PRDM10: variants seen among roughly 807,000 people sequenced by gnomAD.
The protein encoded by PRDM10 is PR/SET domain 10.
A neutral mutation model predicts 133.1 loss-of-function variants in PRDM10; 65 were observed. That is an observed-to-expected ratio of 0.49 (90% CI 0.40 to 0.60). The LOEUF is 0.60. Ranked by LOEUF, PRDM10 falls within the 20% of genes least tolerant of loss-of-function variation. PRDM10 has a pLI of 0.00. For synonymous variants in PRDM10, 582 were observed against 580.4 expected, an observed-to-expected ratio of 1.00 and a Z score of -0.04; for missense variants, 1,137 against 1,507.1, an observed-to-expected ratio of 0.75 and a Z score of 4.07.
intron 1 of PRDM10, among the ~76,000 whole-genome samples, chr11:129,990,931 A>G (rs1056465978): frequency 3.9e-5 from 6 of 152,218 alleles, no homozygotes; most frequent in African/African-American, 1.4e-4. Flanking sequence ...TCTCACTGGC[A>G]TATAATGAAG....
At chr11:129,913,463 T>C (rs570282950) in intron 17 of PRDM10, among the ~76,000 whole-genome samples, 18 of 152,086 alleles carry the variant, frequency 1.2e-4, no homozygotes, top group Non-Finnish European at 2.5e-4. Flanking sequence ...GAAAAAGAAG[T>C]TGTCAGGAAT....
rs1478057953 is a variant in PRDM10 at position 129,957,735 on chromosome 11, C to T, written c.234+11G>A. ...AATTGACAAATTATCAACAGATAAC[C>T]CTTCACATGCCTGTGCAGCTTCCAC... On this transcript the variant is annotated intron_variant, in intron 3 of 20. Coordinates refer to ENST00000360871, the MANE Select transcript of PRDM10 (RefSeq NM_199437.2). 1.9e-6 allele frequency: 3 copies of T among 1,598,716 alleles called. No homozygotes were observed. The highest frequency in any genetic ancestry group is 2.6e-6 in the Non-Finnish European group (3 of 1,172,942).
intron 1 of PRDM10, among the ~76,000 whole-genome samples, chr11:130,001,439 G>A (rs1265108725): frequency 6.6e-6 from 1 of 152,272 alleles, no homozygotes; most frequent in Non-Finnish European, 1.5e-5. Flanking sequence ...TAAGTTTAGA[G>A]AATTTGGGGT....
chr11:130,002,226 G>A (rs1454575371), intron 1 of PRDM10, among the ~76,000 whole-genome samples: 1 of 148,730 alleles, frequency 6.7e-6, no homozygotes, highest in Non-Finnish European at 1.5e-5. Context: ...AACCGCCGCC[G>A]CCGGAGCGCG....
At chr11:129,914,597 C>A in intron 17 of PRDM10, 107 bp downstream of exon 17, 1 of 1,482,298 alleles carries the variant, frequency 6.7e-7, no homozygotes, top group South Asian at 1.2e-5. Flanking sequence ...AGGCTCAGAA[C>A]TTCCACGCAG....
chr11:129,995,423 C>T (rs533159271), intron 1 of PRDM10, among the ~76,000 whole-genome samples: 6 of 152,186 alleles, frequency 3.9e-5, no homozygotes, highest in East Asian at 1.9e-4. Flanking sequence ...GAAGACTAAA[C>T]GTAAACAAGT....
intron 1 of PRDM10, among the ~76,000 whole-genome samples, chr11:129,965,077 G>A (rs994424357): frequency 1.3e-4 from 20 of 152,090 alleles, no homozygotes; most frequent in Non-Finnish European, 2.6e-4. Context: ...AGGCCGCAGC[G>A]GGCAGATCAG....
chr11:130,000,077 C>G (rs1372871618), intron 1 of PRDM10, among the ~76,000 whole-genome samples: 2 of 139,970 alleles, frequency 1.4e-5, no homozygotes, highest in East Asian at 2.0e-4. Flanking sequence ...GAGTTTCGCT[C>G]TTGTTGCCCA....
Position 129,915,798 on chromosome 11 carries a change from G to C in PRDM10, c.2388C>G (p.Leu796=). 1.2e-6 allele frequency: 2 copies of C among 1,614,080 alleles called. No individual in the cohort carries two copies. Among genetic ancestry groups the C allele is most frequent in the Non-Finnish European group, 1.7e-6 (2 of 1,180,012 alleles). The stretch of plus-strand genomic sequence containing the variant: ...GTCGGAGCTTCCGAATGCTCGGTGG[G>C]AGCTCTGCTCCTGGGTGGTTCTTCA... ...HILKNHPGAE[L]PPSIRKLRPA... is the part of the protein sequence containing the mutation. The change falls in exon 16 of 21, where the codon CTC becomes CTG. Residue 796 remains leucine (L), a synonymous_variant. Coordinates refer to ENST00000360871, the MANE Select transcript of PRDM10 (RefSeq NM_199437.2).
chr11:129,917,795 T>C (rs1413620038), intron 14 of PRDM10, among the ~76,000 whole-genome samples: 2 of 152,202 alleles, frequency 1.3e-5, no homozygotes, highest in Non-Finnish European at 2.9e-5. Flanking sequence ...GAAAGCTTCC[T>C]TCTACTGCTG....
chr11:129,953,362 C>T (rs571723108), intron 4 of PRDM10, among the ~76,000 whole-genome samples: 10 of 151,736 alleles, frequency 6.6e-5, no homozygotes, highest in Admixed American at 2.6e-4. Flanking sequence ...GGTGTGATCT[C>T]GGCTCACTGC....
chr11:129,984,208 G>A (rs1055478832), intron 1 of PRDM10, among the ~76,000 whole-genome samples: 2 of 152,176 alleles, frequency 1.3e-5, no homozygotes, highest in African/African-American at 2.4e-5. Context: ...CTCGCTCAGC[G>A]GAGGTGGCCT....
At chr11:129,952,112 G>A (rs1951596464) in intron 4 of PRDM10, among the ~76,000 whole-genome samples, 1 of 152,238 alleles carries the variant, frequency 6.6e-6, no homozygotes, top group South Asian at 2.1e-4. Flanking sequence ...ACACTGTCTT[G>A]TAATGTCAGG....
Position 129,902,148 on chromosome 11 carries a change from T to C in PRDM10, c.*165A>G, listed in dbSNP as rs1296308354. Reference sequence around the variant, plus strand: ...GTTTGAAGAGTCAATTTGATAAAGATGACCTTGGCAAAATAAACCCCAGTG... The same window carrying C: ...GTTTGAAGAGTCAATTTGATAAAGACGACCTTGGCAAAATAAACCCCAGTG... On this transcript the variant is annotated 3_prime_UTR_variant, in exon 21 of 21. Coordinates refer to ENST00000360871, the MANE Select transcript of PRDM10 (RefSeq NM_199437.2). 1.1e-5 allele frequency: 10 copies of C among 937,492 alleles called. No homozygotes were observed. Among genetic ancestry groups the C allele is most frequent in the South Asian group, 2.0e-5 (1 of 51,016 alleles). 58.1% of individuals were successfully genotyped at this position (937,492 alleles called of 1,614,324 possible).
At chr11:129,906,701 G>A (rs952446466) in intron 19 of PRDM10, among the ~76,000 whole-genome samples, 2 of 152,208 alleles carry the variant, frequency 1.3e-5, no homozygotes, top group African/African-American at 4.8e-5. Flanking sequence ...ATCATGGCCA[G>A]GCACATGGAC....
At chr11:129,953,197 C>T (rs1414417317) in intron 4 of PRDM10, among the ~76,000 whole-genome samples, 1 of 152,036 alleles carries the variant, frequency 6.6e-6, no homozygotes, top group Non-Finnish European at 1.5e-5. Context: ...AGGCTGGTAT[C>T]AAACTCCTGA....
At position 129,902,221 on chromosome 11, in the gene PRDM10, T is replaced by C; in HGVS notation, c.*92A>G. The C allele has an allele frequency of 6.8e-7, 1 of 1,469,976 alleles. No individual in the cohort carries two copies. The highest frequency in any genetic ancestry group is 9.2e-7 in the Non-Finnish European group (1 of 1,085,596). The allele number at this position is 1,469,976 out of a possible 1,614,324, so 91.1% of individuals were successfully genotyped here. Reference sequence around the variant, plus strand: ...GGTTTCCGAACTCTTGAGTGAATAATAAATCTTACAAAAGAGCTCTACGTG... The same window carrying C: ...GGTTTCCGAACTCTTGAGTGAATAACAAATCTTACAAAAGAGCTCTACGTG... On this transcript the variant is annotated 3_prime_UTR_variant, in exon 21 of 21. Transcript: ENST00000360871.
At chr11:129,914,581 T>G (rs748510706) in intron 17 of PRDM10, 123 bp downstream of exon 17, 1 of 1,344,616 alleles carries the variant, frequency 7.4e-7, no homozygotes, top group Non-Finnish European at 1.1e-6. Context: ...AGTTGTAAAA[T>G]GCCCAAGGCT....
intron 9 of PRDM10, among the ~76,000 whole-genome samples, chr11:129,933,064 T>C (rs1950920775): frequency 6.6e-6 from 1 of 152,204 alleles, no homozygotes; most frequent in African/African-American, 2.4e-5. Flanking sequence ...CTGGCATGAA[T>C]TGCCAACAAA....
Sources: gnomAD v4.1 joint callset for allele counts (sites outside exome capture counted in the v4.1 genomes callset) on GRCh38, gnomAD v4.1.1 for gene constraint, MANE v1.5 for transcripts, NCBI Gene and HGNC (gene_info 2026-07-23, HGNC 2026-07-21) for gene names.